Variants in RYR1 observed in about 807,000 individuals in gnomAD.
RYR1 encodes the protein central core disease of muscle.
Under a neutral mutation model 583.5 loss-of-function variants are expected in RYR1, and 342 were observed. The ratio of observed to expected loss-of-function variants is 0.59; its 90% CI spans 0.54 to 0.64. The LOEUF is 0.64. Ranked by LOEUF, RYR1 falls within the 30% of genes least tolerant of loss-of-function variation. The pLI is 0.00. For missense variants in RYR1, 6,032 were observed against 6,917.2 expected, an observed-to-expected ratio of 0.87 and a Z score of 4.54; for synonymous variants, 2,791 against 2,822.5, an observed-to-expected ratio of 0.99 and a Z score of 0.35.
intron 101 of RYR1, 126 bp downstream of exon 101, chr19:38,580,630 CG>C: frequency 8.3e-7 from 1 of 1,198,494 alleles, no homozygotes; most frequent in Non-Finnish European, 1.2e-6. Context: ...GAGGCCGAGG[CG>C]GGACGATTAC....
chr19:38,528,483 A>T (rs941864049), intron 74 of RYR1, 65 bp downstream of exon 74: 42 of 1,598,472 alleles, frequency 2.6e-5, no homozygotes, highest in Admixed American at 5.0e-5. Context: ...GAGAGTCTGG[A>T]GAATGGAGGG....
chr19:38,495,394 A>G (rs947889213), intron 39 of RYR1, among the ~76,000 whole-genome samples: 18 of 152,076 alleles, frequency 1.2e-4, no homozygotes, highest in Non-Finnish European at 1.9e-4. Flanking sequence ...TGCCCAGGCT[A>G]GAGTGCAGTG....
chr19:38,489,496 C>G, intron 35 of RYR1, 53 bp downstream of exon 35: 1 of 1,605,888 alleles, frequency 6.2e-7, no homozygotes, highest in South Asian at 1.1e-5. Flanking sequence ...CTGGGAGACA[C>G]AGGGTAGGTG....
In RYR1 at chr19:38,572,159, G is replaced by A. The variant is rs1568593906; in HGVS notation, c.13887G>A (p.Val4629=). 8 of 1,614,174 alleles carry A rather than the reference G, an allele frequency of 5.0e-6. No homozygotes were observed. The highest frequency in any genetic ancestry group is 6.8e-6 in the Non-Finnish European group (8 of 1,180,026). Residue 4629 remains valine, a synonymous_variant, in exon 95 of 106, where the codon GTG becomes GTA. Transcript: ENST00000359596. ...AGGGCGATGAGGATGAGAACATGGT[G>A]TACTACTTCCTGGAGGAAAGCACAG... The part of the protein sequence containing the change: ...EAEGDEDENM[V]YYFLEESTGY...
chr19:38,542,129 C>T (rs1221750726), intron 84 of RYR1, among the ~76,000 whole-genome samples: 1 of 149,940 alleles, frequency 6.7e-6, no homozygotes, highest in Non-Finnish European at 1.5e-5. Context: ...CTACTGTATC[C>T]CCAGAGCCTA....
chr19:38,528,548 G>C (rs1270159481), intron 74 of RYR1, 51 bp from the exon 75 acceptor site: 1 of 1,607,304 alleles, frequency 6.2e-7, no homozygotes, highest in South Asian at 1.1e-5. Flanking sequence ...TGGGAGGTCG[G>C]GAAGCACGGA....
At chr19:38,501,048 G>A (rs1236537079) in intron 47 of RYR1, 58 bp downstream of exon 47, 2 of 1,561,632 alleles carry the variant, frequency 1.3e-6, no homozygotes, top group Middle Eastern at 1.7e-4. Flanking sequence ...GACAGGAGAT[G>A]GGTCACGGTA....
chr19:38,575,913 C>G lies in RYR1; in HGVS notation c.14130-6C>G. On this transcript the variant is annotated splice_region_variant and splice_polypyrimidine_tract_variant and intron_variant, in intron 96 of 105. Coordinates refer to ENST00000359596, the MANE Select transcript of RYR1 (RefSeq NM_000540.3). The stretch of plus-strand genomic sequence containing the variant: ...ATACTCACGCTTTCTCTCTCTCTCT[C>G]TGCAGGTCTTTCCCTAGCAACTACT... The G allele has an allele frequency of 6.2e-7, 1 of 1,614,126 alleles. No homozygotes were observed. The highest frequency in any genetic ancestry group is 8.5e-7 in the Non-Finnish European group (1 of 1,179,968).
chr19:38,485,387 C>G (rs896572953), intron 33 of RYR1, among the ~76,000 whole-genome samples: 1 of 152,238 alleles, frequency 6.6e-6, no homozygotes, highest in Non-Finnish European at 1.5e-5. Context: ...GTCTAAGCAT[C>G]TCTGCCTTTC....
chr19:38,532,021 A>T (rs1971759580), intron 76 of RYR1, among the ~76,000 whole-genome samples: 1 of 152,186 alleles, frequency 6.6e-6, no homozygotes, highest in South Asian at 2.1e-4. Flanking sequence ...CTCATCGGCC[A>T]TGCATTTGTC....
chr19:38,579,194 G>A (rs1012545128), intron 99 of RYR1, among the ~76,000 whole-genome samples: 2 of 152,154 alleles, frequency 1.3e-5, no homozygotes, highest in Non-Finnish European at 2.9e-5. Flanking sequence ...GGGAGGCCGA[G>A]GTGGGTGGAT....
intron 28 of RYR1, among the ~76,000 whole-genome samples, chr19:38,475,044 A>G (rs943610030): frequency 6.6e-6 from 1 of 152,150 alleles, no homozygotes; most frequent in African/African-American, 2.4e-5. Flanking sequence ...GCATGTGGGA[A>G]ATGCTGACTT....
intron 99 of RYR1, 115 bp from the exon 100 acceptor site, chr19:38,579,867 C>A: frequency 7.2e-7 from 1 of 1,382,050 alleles, no homozygotes; most frequent in Non-Finnish European, 1.0e-6. Context: ...ACTCCCCAAA[C>A]AGAGCTGGCA....
intron 87 of RYR1, among the ~76,000 whole-genome samples, chr19:38,545,631 G>A (rs1463323414): frequency 1.3e-5 from 2 of 152,134 alleles, no homozygotes; most frequent in Non-Finnish European, 2.9e-5. Context: ...TCACCAACAT[G>A]GAGAAACCCC....
intron 20 of RYR1, among the ~76,000 whole-genome samples, chr19:38,461,403 C>T (rs1426947046): frequency 6.6e-6 from 1 of 152,080 alleles, no homozygotes; most frequent in African/African-American, 2.4e-5. Flanking sequence ...GCAAAGGATT[C>T]TGTCAGAGCA....
At chr19:38,569,778 G>C (rs971235270) in intron 93 of RYR1, among the ~76,000 whole-genome samples, 1 of 152,152 alleles carries the variant, frequency 6.6e-6, no homozygotes, top group African/African-American at 2.4e-5. Context: ...CATAACAGTA[G>C]TGCCCACTTC....
chr19:38,543,990 A>C lies in RYR1; in HGVS notation c.12012+115A>C, dbSNP rs1293538102. 2.6e-5 allele frequency: 28 copies of C among 1,059,454 alleles called. No individual in the cohort carries two copies. Among genetic ancestry groups the C allele is most frequent in the South Asian group, 1.2e-4 (9 of 74,152 alleles). The allele number at this position is 1,059,454 out of a possible 1,614,324, so 65.6% of individuals were successfully genotyped here. On this transcript the variant is annotated intron_variant, in intron 87 of 105. Coordinates refer to ENST00000359596, the MANE Select transcript of RYR1 (RefSeq NM_000540.3). This position sits in a 1 kb window ranked among gnomAD's most constrained non-coding sequence, Gnocchi z 4.4. ...CCCGAGTGCTCCCGGCATGTTCCAG[A>C]CTGGTTCCCTCTCAGTGGCCAAATC...
At position 38,510,531 on chromosome 19, in the gene RYR1, C is replaced by G; in HGVS notation, c.8966C>G (p.Ser2989Cys). The G allele has an allele frequency of 6.2e-7, 1 of 1,614,136 alleles. No homozygotes were observed. The highest frequency in any genetic ancestry group is 1.1e-5 in the South Asian group (1 of 91,070). Residue 2989 changes from serine to cysteine, a missense_variant, in exon 59 of 106, where the codon TCC becomes TGC. Ser to Cys is a moderately radical substitution (Grantham distance 112, BLOSUM62 -1). This residue lies in a region of RYR1 where 1,493 missense variants were observed against 1,715.5 expected (regional missense o/e 0.87). Transcript: ENST00000359596. ...AVVSSGRVEK[S>C]PHEQEIKFFA... is the part of the protein sequence containing the mutation. ...GTCAGCAGTGGGCGAGTGGAAAAGT[C>G]CCCACATGAACAGGAGATTAAATTC...
rs1488184754 is a variant in RYR1 at position 38,565,785 on chromosome 19, C to CGGGGTTTT, written c.13437+25_13437+32dup. On this transcript the variant is annotated intron_variant, in intron 91 of 105. Transcript: ENST00000359596. This position sits in a 1 kb window ranked among gnomAD's most constrained non-coding sequence, Gnocchi z 4.7. ...AGGAAATTGGGGGTGAGAGAGCAGG[C>CGGGGTTTT]GGGGTTTTGGGGTTTTGGAAAGATG... The CGGGGTTTT allele has an allele frequency of 2.2e-6, 3 of 1,374,886 alleles. No homozygotes were observed. Among genetic ancestry groups the CGGGGTTTT allele is most frequent in the Non-Finnish European group, 2.8e-6 (3 of 1,072,800 alleles). 85.2% of individuals were successfully genotyped at this position (1,374,886 alleles called of 1,614,324 possible).
Sources: allele counts gnomAD v4.1 joint callset (sites outside exome capture counted in the v4.1 genomes callset), GRCh38; gene constraint gnomAD v4.1.1; regional missense constraint gnomAD v4.1.1; non-coding constraint Gnocchi (gnomAD v3.1); transcripts MANE v1.5; gene names NCBI Gene and HGNC (gene_info 2026-07-23, HGNC 2026-07-21).